The following STK3 variants were observed in gnomAD, a reference collection of about 807,000 sequenced individuals.
STK3 encodes serine/threonine kinase 3, also known as serine/threonine-protein kinase 3.
A neutral mutation model predicts 58.0 loss-of-function variants in STK3; 41 were observed. The observed-to-expected ratio is 0.71, with a 90% CI of 0.55 to 0.92. STK3 has a LOEUF of 0.92. STK3 is among the 40% of genes least tolerant of loss of function. The pLI is 0.00. For missense variants in STK3, 479 were observed against 602.7 expected (o/e 0.79, Z 2.15); for synonymous variants, 170 against 191.0 (o/e 0.89, Z 0.91).
intron 2 of STK3, among the ~76,000 whole-genome samples, chr8:98,772,030 T>C (rs1831343152): frequency 6.6e-6 from 1 of 152,230 alleles, no homozygotes; most frequent in South Asian, 2.1e-4. Context: ...CTTTCTTTGT[T>C]AGTCTAATGA....
At chr8:98,915,007 C>CT (rs113126207) in intron 1 of STK3, among the ~76,000 whole-genome samples, 202 of 152,238 alleles carry the variant, frequency 1.3e-3, no homozygotes, top group African/African-American at 4.6e-3. Flanking sequence ...TGTCTCTGAG[C>CT]TTTGGTTTCT....
chr8:98,922,654 C>T (rs1045142139), intron 1 of STK3, among the ~76,000 whole-genome samples: 1 of 152,172 alleles, frequency 6.6e-6, no homozygotes, highest in Non-Finnish European at 1.5e-5. Context: ...ATTTATTGCT[C>T]TTCTATTATA....
Position 98,428,893 on chromosome 8 carries a change from T to C in STK3, n.483+5234A>G. 1 of 1,614,166 alleles carries C rather than the reference T, an allele frequency of 6.2e-7. No individual in the cohort carries two copies. Among genetic ancestry groups the C allele is most frequent in the African/African-American group, 1.3e-5 (1 of 75,038 alleles). On this transcript the variant is annotated intron_variant and non_coding_transcript_variant, in intron 3 of 3. Transcript: ENST00000517832. The surrounding 1 kb of genome is among the most constrained non-coding windows in gnomAD (Gnocchi z 6.7). Reference sequence around the variant, plus strand: ...CTGAGGCTGATGCGGATCTTCCGCATCTTAAAGCTGGCCAGGCACTCCACT... The same window carrying C: ...CTGAGGCTGATGCGGATCTTCCGCACCTTAAAGCTGGCCAGGCACTCCACT...
chr8:98,763,844 TA>T (rs1830780235), intron 3 of STK3, among the ~76,000 whole-genome samples: 1 of 152,152 alleles, frequency 6.6e-6, no homozygotes, highest in Non-Finnish European at 1.5e-5. Context: ...AGCTAATTTT[TA>T]TATCTATTTA....
intron 3 of STK3, among the ~76,000 whole-genome samples, chr8:98,751,791 T>C (rs2131366653): frequency 6.6e-6 from 1 of 152,104 alleles, no homozygotes; most frequent in Admixed American, 6.6e-5. Context: ...AAATACAAAA[T>C]TAGCTGGGCA....
At chr8:98,702,388 GC>G (rs1237139662) in intron 6 of STK3, among the ~76,000 whole-genome samples, 1 of 152,106 alleles carries the variant, frequency 6.6e-6, no homozygotes, top group African/African-American at 2.4e-5. Context: ...CTAATTTAGT[GC>G]CATCTTTAAG....
chr8:98,459,720 G>A (rs1308538975), intron 10 of STK3, among the ~76,000 whole-genome samples: 2 of 152,246 alleles, frequency 1.3e-5, no homozygotes, highest in Non-Finnish European at 2.9e-5. Context: ...TTCCAGTCAT[G>A]GCTAAAAGGG....
chr8:98,358,232 A>G, the STK3 span, among the ~76,000 whole-genome samples: 1 of 152,202 alleles, frequency 6.6e-6, no homozygotes, highest in East Asian at 1.9e-4. Context: ...AGTGAGGTAC[A>G]CGGGCAATTG....
chr8:98,593,394 A>G lies in STK3; in HGVS notation c.822+2638T>C, dbSNP rs117790674. ...ATCTGTACACGTAAGCTATAGATAT[A>G]TGTCAACTAAAATTTGGTAATCAGA... On this transcript the variant is annotated intron_variant, in intron 7 of 10. Coordinates refer to ENST00000419617, the MANE Select transcript of STK3 (RefSeq NM_006281.4). Among the ~76,000 whole-genome samples the G allele has an allele frequency of 1.1e-4, 17 of 152,320 alleles. No individual in the cohort carries two copies. The East Asian group carries it at 3.3e-3, about 29-fold the overall frequency.
chr8:98,579,570 T>G (rs763827497), intron 8 of STK3, 94 bp downstream of exon 8: 7 of 1,416,042 alleles, frequency 4.9e-6, no homozygotes, highest in Non-Finnish European at 6.7e-6. Context: ...CTTACTTGTA[T>G]AGTAAAACAG....
intron 1 of STK3, among the ~76,000 whole-genome samples, chr8:98,913,106 A>G (rs1839214356): frequency 6.7e-6 from 1 of 149,272 alleles, no homozygotes; most frequent in East Asian, 2.0e-4. Flanking sequence ...AATTGATTTT[A>G]AAAATTAGGG....
chr8:98,543,245 A>G (rs1810434583), intron 9 of STK3, among the ~76,000 whole-genome samples: 1 of 152,174 alleles, frequency 6.6e-6, no homozygotes, highest in African/African-American at 2.4e-5. Context: ...AAGAAGGATG[A>G]AGAGGGAATA....
At chr8:98,870,783 T>G (rs1266172824) in intron 3 of STK3, among the ~76,000 whole-genome samples, 3 of 152,230 alleles carry the variant, frequency 2.0e-5, no homozygotes, top group Admixed American at 2.0e-4. Context: ...TTTCTCCCAT[T>G]CTATAGGTTG....
At chr8:98,561,303 G>GAA (rs779133857) in intron 8 of STK3, among the ~76,000 whole-genome samples, 1 of 135,450 alleles carries the variant, frequency 7.4e-6, no homozygotes, top group African/African-American at 2.7e-5. Context: ...TATCCATACG[G>GAA]AAAAAAAAAA....
intron 6 of STK3, among the ~76,000 whole-genome samples, chr8:98,696,878 A>G (rs1364554567): frequency 6.6e-6 from 1 of 152,204 alleles, no homozygotes; most frequent in Non-Finnish European, 1.5e-5. Context: ...TCATAAAATG[A>G]GTTAGGGAGG....
At chr8:98,542,167 T>C (rs761450736) in intron 9 of STK3, among the ~76,000 whole-genome samples, 2 of 152,312 alleles carry the variant, frequency 1.3e-5, no homozygotes, top group South Asian at 2.1e-4. Flanking sequence ...GGAGCTCAAT[T>C]AGTAACAGCT....
intron 1 of STK3, among the ~76,000 whole-genome samples, chr8:98,887,879 G>A (rs1026269055): frequency 6.6e-6 from 1 of 152,176 alleles, no homozygotes; most frequent in Non-Finnish European, 1.5e-5. Flanking sequence ...CACATGGCTC[G>A]AGGCATTCGC....
intron 10 of STK3, among the ~76,000 whole-genome samples, chr8:98,520,449 C>T (rs532888103): frequency 1.3e-5 from 2 of 152,168 alleles, no homozygotes; most frequent in East Asian, 3.9e-4. Context: ...GGAATGCTTC[C>T]TACCCTGCAC....
intron 1 of STK3, among the ~76,000 whole-genome samples, chr8:98,383,497 A>C (rs1244368629): frequency 6.6e-6 from 1 of 152,224 alleles, no homozygotes; most frequent in East Asian, 1.9e-4. Flanking sequence ...GCCTCTTGTG[A>C]ATACTGGCTC....
Sources: allele counts gnomAD v4.1 joint callset (sites outside exome capture counted in the v4.1 genomes callset), GRCh38; gene constraint gnomAD v4.1.1; non-coding constraint Gnocchi (gnomAD v3.1); transcripts MANE v1.5; gene names NCBI Gene and HGNC (gene_info 2026-07-23, HGNC 2026-07-21).